Variants in MAPK8IP3 observed in about 807,000 individuals in gnomAD.
The protein encoded by MAPK8IP3 is mitogen-activated protein kinase 8 interacting protein 3, also known as C-Jun-amino-terminal kinase-interacting protein 3.
MAPK8IP3 carries 49 observed loss-of-function variants against 157.8 expected under a neutral mutation model. That is an observed-to-expected ratio of 0.31 (90% CI 0.25 to 0.39). MAPK8IP3 has a LOEUF of 0.39. MAPK8IP3 is among the 10% of genes least tolerant of loss of function. The pLI is 1.00. For synonymous variants in MAPK8IP3, 897 were observed against 777.7 expected (o/e 1.15, Z -2.55); for missense variants, 1,478 against 1,889.4 (o/e 0.78, Z 4.04).
intron 5 of MAPK8IP3, chr16:1,745,178 C>T: frequency 1.0e-6 from 1 of 985,408 alleles, no homozygotes; most frequent in Non-Finnish European, 1.2e-6. Flanking sequence ...AGGGGAGGCG[C>T]AATCAGACTG....
chr16:1,744,334 C>A, intron 5 of MAPK8IP3: 1 of 986,004 alleles, frequency 1.0e-6, no homozygotes, highest in East Asian at 1.1e-4. Flanking sequence ...CCTGGGACTT[C>A]TCCAGAAGCT....
At chr16:1,711,683 C>T (rs895437301) in intron 1 of MAPK8IP3, among the ~76,000 whole-genome samples, 4 of 152,118 alleles carry the variant, frequency 2.6e-5, no homozygotes, top group Admixed American at 6.5e-5. Context: ...GGCTCACGCC[C>T]GTAATCCCAA....
chr16:1,764,140 A>T lies in MAPK8IP3; in HGVS notation c.2051A>T (p.Asp684Val). ...KQLSPNGGQE[D>V]TRMKNVPVPV... is the part of the protein sequence containing the mutation. ...CTGAGTCCCAACGGGGGCCAGGAGGACACGCGGATGAAGAACGTGCCGGTG... is the reference window on the plus strand; with the variant it reads ...CTGAGTCCCAACGGGGGCCAGGAGGTCACGCGGATGAAGAACGTGCCGGTG... The change falls in exon 18 of 32, where the codon GAC (aspartate) becomes GTC (valine). Residue 684 changes from aspartate to valine, a missense_variant. Physicochemically the swap from Asp to Val is radical, Grantham distance 152 (BLOSUM62 -3). Around this residue, in one of 11 missense-constraint regions of MAPK8IP3, gnomAD observed 669 missense variants for 759.8 expected, o/e 0.88. Transcript: ENST00000610761. The T allele has an allele frequency of 6.2e-7, 1 of 1,611,114 alleles. No homozygotes were observed. Among genetic ancestry groups the T allele is most frequent in the Non-Finnish European group, 8.5e-7 (1 of 1,179,314 alleles).
rs752014056 is a variant in MAPK8IP3 at position 1,761,355 on chromosome 16, T to C, written c.1539+50T>C. 2.6e-6 allele frequency: 4 copies of C among 1,544,832 alleles called. No individual in the cohort carries two copies. The East Asian group carries it at 6.8e-5, about 26-fold the overall frequency. ...ATGCGGGGCGTCCACCATTCACTTT[T>C]CACAGGCGGGGCGGCCACCGTTCAC... On this transcript the variant is annotated intron_variant, in intron 13 of 31. Coordinates refer to ENST00000610761, the MANE Select transcript of MAPK8IP3 (RefSeq NM_001318852.2).
Position 1,763,687 on chromosome 16 carries a change from G to T in MAPK8IP3, c.1929G>T (p.Gln643His), listed in dbSNP as rs1567204710. Residue 643 changes from glutamine to histidine, a missense_variant, in exon 17 of 32, where the codon CAG (glutamine) becomes CAT (histidine). This residue lies in a region of MAPK8IP3 where 669 missense variants were observed against 759.8 expected (regional missense o/e 0.88). Coordinates refer to ENST00000610761, the MANE Select transcript of MAPK8IP3 (RefSeq NM_001318852.2). ...DDCTSSARRE[Q>H]KREQYRQVRE... ...GCACGTCCTCCGCCCGTCGAGAGCA[G>T]AAGCGCGAGCAGTACCGCCAGGTGC... The T allele has an allele frequency of 1.9e-6, 3 of 1,592,664 alleles. No homozygotes were observed. Among genetic ancestry groups the T allele is most frequent in the Non-Finnish European group, 2.6e-6 (3 of 1,167,990 alleles).
intron 4 of MAPK8IP3, among the ~76,000 whole-genome samples, chr16:1,735,586 C>A (rs2039660754): frequency 7.4e-6 from 1 of 135,540 alleles, no homozygotes; most frequent in Non-Finnish European, 1.5e-5. Flanking sequence ...TCCGTGTGAC[C>A]ATCCGTGTGA....
chr16:1,753,167 T>C (rs1435449591), intron 8 of MAPK8IP3, among the ~76,000 whole-genome samples: 2 of 152,194 alleles, frequency 1.3e-5, no homozygotes, highest in African/African-American at 4.8e-5. Context: ...TGCACCTCTC[T>C]CAGCATTTTT....
At chr16:1,738,679 ACCGT>A (rs1193159458) in intron 4 of MAPK8IP3, among the ~76,000 whole-genome samples, 16 of 109,910 alleles carry the variant, frequency 1.5e-4, no homozygotes, top group South Asian at 3.4e-4. Context: ...AGCATGTGTG[ACCGT>A]CCGTGTAGCA....
intron 10 of MAPK8IP3, among the ~76,000 whole-genome samples, chr16:1,759,679 G>C (rs1455587912): frequency 2.6e-5 from 4 of 152,210 alleles, no homozygotes; most frequent in African/African-American, 9.6e-5. Flanking sequence ...GGGGCACTGA[G>C]ATGGCAGCCC....
At chr16:1,744,528 G>A in intron 5 of MAPK8IP3, 1 of 985,586 alleles carries the variant, frequency 1.0e-6, no homozygotes, top group Non-Finnish European at 1.2e-6. Flanking sequence ...GAGAGAGGGT[G>A]GCGGGGCTGC....
intron 4 of MAPK8IP3, among the ~76,000 whole-genome samples, chr16:1,739,311 AGT>A (rs1226048531): frequency 5.0e-5 from 4 of 80,092 alleles, no homozygotes; most frequent in East Asian, 4.0e-4. Flanking sequence ...CGTCCGTGTG[AGT>A]GTGTGACCAT....
At chr16:1,759,481 T>G (rs1029733526) in intron 10 of MAPK8IP3, among the ~76,000 whole-genome samples, 6 of 152,104 alleles carry the variant, frequency 3.9e-5, no homozygotes, top group African/African-American at 1.4e-4. Context: ...GGCCTCGTGG[T>G]AGAGGAGCCT....
intron 13 of MAPK8IP3, among the ~76,000 whole-genome samples, chr16:1,761,904 G>A (rs1012546704): frequency 1.3e-5 from 2 of 152,182 alleles, no homozygotes; most frequent in Middle Eastern, 3.2e-3. Flanking sequence ...GGGACTCACC[G>A]GCGCTTCTGT....
At chr16:1,708,133 G>A (rs866410841) in intron 1 of MAPK8IP3, among the ~76,000 whole-genome samples, 3 of 152,220 alleles carry the variant, frequency 2.0e-5, no homozygotes, top group African/African-American at 7.2e-5. Flanking sequence ...TGGAGCTCAG[G>A]GTGACTATAG....
At chr16:1,722,828 A>C (rs1190873762) in intron 1 of MAPK8IP3, among the ~76,000 whole-genome samples, 1 of 151,758 alleles carries the variant, frequency 6.6e-6, no homozygotes, top group Non-Finnish European at 1.5e-5. Flanking sequence ...CAGCCTCCCA[A>C]GTAGCTGGGA....
In MAPK8IP3 at chr16:1,768,857, A is replaced by G. The variant is rs767349678; in HGVS notation, c.*33A>G. The G allele has an allele frequency of 6.2e-6, 10 of 1,604,526 alleles. No individual in the cohort carries two copies. Among genetic ancestry groups the G allele is most frequent in the Admixed American group, 1.7e-5 (1 of 59,806 alleles). Reference sequence around the variant, plus strand: ...GCCCTGCCTGGCCCGACCTGTACATAGGACCCCCGACCACCTGACCCCCGC... The same window carrying G: ...GCCCTGCCTGGCCCGACCTGTACATGGGACCCCCGACCACCTGACCCCCGC... On this transcript the variant is annotated 3_prime_UTR_variant, in exon 32 of 32. Transcript: ENST00000610761.
chr16:1,768,449 C>T, intron 30 of MAPK8IP3, 28 bp from the exon 31 acceptor site: 1 of 1,587,920 alleles, frequency 6.3e-7, no homozygotes, highest in South Asian at 1.1e-5. Context: ...CAGGAGGCCG[C>T]TGTCCTGAAT....
Position 1,766,974 on chromosome 16 carries a change from G to T in MAPK8IP3, c.3088+3G>T, listed in dbSNP as rs1461357421. 1.3e-6 allele frequency: 2 copies of T among 1,584,486 alleles called. No individual in the cohort carries two copies. Among genetic ancestry groups the T allele is most frequent in the Non-Finnish European group, 1.7e-6 (2 of 1,162,990 alleles). On this transcript the variant is annotated splice_donor_region_variant and intron_variant, in intron 25 of 31. Transcript: ENST00000610761. ...GGCCATCTTCCACCGTGGTGAAGGTGGGGCCTGGCAGCACGGGGTGTGTGG... is the reference window on the plus strand; with the variant it reads ...GGCCATCTTCCACCGTGGTGAAGGTTGGGCCTGGCAGCACGGGGTGTGTGG...
chr16:1,723,007 T>TTTTG (rs755148713), intron 1 of MAPK8IP3, among the ~76,000 whole-genome samples: 1 of 150,696 alleles, frequency 6.6e-6, no homozygotes, highest in African/African-American at 2.5e-5. Context: ...GGCCAATTTT[T>TTTTG]TTTGTTTGTT....
Sources: gnomAD v4.1 joint callset for allele counts (sites outside exome capture counted in the v4.1 genomes callset) on GRCh38, gnomAD v4.1.1 for gene constraint, gnomAD v4.1.1 regional missense constraint, MANE v1.5 for transcripts, NCBI Gene and HGNC (gene_info 2026-07-23, HGNC 2026-07-21) for gene names.